TBC1D12: variants seen among roughly 807,000 people sequenced by gnomAD.
The protein encoded by TBC1D12 is TBC1 domain family member 12, also known as TBC1 domain family, member 12.
A neutral mutation model predicts 86.7 loss-of-function variants in TBC1D12; 56 were observed. The ratio of observed to expected loss-of-function variants is 0.65; its 90% CI spans 0.52 to 0.81. The LOEUF (loss-of-function observed/expected upper bound fraction) is 0.81, where lower values mean the gene tolerates loss of function less well. Among genes scored for constraint, TBC1D12 ranks in the 30% least tolerant of loss-of-function variants. TBC1D12 has a pLI of 0.00. For synonymous variants in TBC1D12, 421 were observed against 411.7 expected, an observed-to-expected ratio of 1.02 and a Z score of -0.27; for missense variants, 1,023 against 1,038.8, an observed-to-expected ratio of 0.98 and a Z score of 0.21.
At chr10:94,447,058 A>C (rs1329569671) in intron 2 of TBC1D12, among the ~76,000 whole-genome samples, 1 of 47,908 alleles carries the variant, frequency 2.1e-5, no homozygotes, top group Non-Finnish European at 4.4e-5. Context: ...GAGCTGTTTC[A>C]AAAAAAAAAA....
intron 4 of TBC1D12, among the ~76,000 whole-genome samples, chr10:94,496,841 G>T (rs2056327115): frequency 6.6e-6 from 1 of 152,144 alleles, no homozygotes; most frequent in East Asian, 1.9e-4. Context: ...TAAAAAAAGA[G>T]AAAACAAAGA....
intron 9 of TBC1D12, 142 bp downstream of exon 9, chr10:94,511,796 A>G (rs2056531708): frequency 3.1e-6 from 2 of 652,518 alleles, no homozygotes; most frequent in Non-Finnish European, 5.2e-6. Context: ...CCCAGTGAAG[A>G]ATCTTTCTAT....
intron 1 of TBC1D12, among the ~76,000 whole-genome samples, chr10:94,413,481 A>C (rs528247902): frequency 2.6e-5 from 4 of 152,296 alleles, no homozygotes; most frequent in Admixed American, 2.6e-4. Context: ...CTTTAAGAAG[A>C]AATCCTGCAC....
intron 3 of TBC1D12, among the ~76,000 whole-genome samples, chr10:94,487,021 A>G (rs920417541): frequency 6.6e-6 from 1 of 152,132 alleles, no homozygotes; most frequent in Admixed American, 6.6e-5. Flanking sequence ...CAATTGTTAT[A>G]TCCTCTTGCT....
chr10:94,478,805 G>A (rs1221556946), intron 3 of TBC1D12, among the ~76,000 whole-genome samples: 1 of 151,944 alleles, frequency 6.6e-6, no homozygotes, highest in Non-Finnish European at 1.5e-5. Context: ...CTTGCAAATC[G>A]ATTCTGTCCA....
In TBC1D12 at chr10:94,522,073, A is replaced by C. The variant is rs1486846323; in HGVS notation, c.1880A>C (p.Asp627Ala). The C allele has an allele frequency of 6.2e-7, 1 of 1,612,422 alleles. No homozygotes were observed. Among genetic ancestry groups the C allele is most frequent in the Non-Finnish European group, 8.5e-7 (1 of 1,178,926 alleles). Residue 627 changes from aspartate (D) to alanine (A), a missense_variant, in exon 10 of 13, where the codon GAT (aspartate) becomes GCT (alanine). This residue lies in a region of TBC1D12 where 395 missense variants were observed against 507.7 expected (regional missense o/e 0.78). Transcript: ENST00000225235. ...TGCCAGTTGGCCTTTTTTCGTGTGG[A>C]TCACAGCATGGTATGAATGGATCAT... is the stretch of plus-strand genomic sequence containing the variant. ...KPCQLAFFRV[D>A]HSMMLKYFAT...
chr10:94,498,171 T>C (rs780503636), intron 5 of TBC1D12, among the ~76,000 whole-genome samples: 2 of 152,194 alleles, frequency 1.3e-5, no homozygotes, highest in African/African-American at 4.8e-5. Flanking sequence ...AGACGCACTA[T>C]TGATGTAATA....
chr10:94,416,758 T>C (rs1352639673), intron 1 of TBC1D12, among the ~76,000 whole-genome samples: 1 of 152,124 alleles, frequency 6.6e-6, no homozygotes, highest in East Asian at 1.9e-4. Context: ...TGATTAACTT[T>C]GAGACAGGAA....
At chr10:94,470,756 T>C (rs796376621) in intron 2 of TBC1D12, among the ~76,000 whole-genome samples, 5 of 151,392 alleles carry the variant, frequency 3.3e-5, no homozygotes, top group African/African-American at 1.2e-4. Context: ...TTTGTAATTC[T>C]GATTGCATTA....
intron 2 of TBC1D12, among the ~76,000 whole-genome samples, chr10:94,464,170 T>C (rs1338055406): frequency 1.3e-5 from 2 of 152,232 alleles, no homozygotes; most frequent in East Asian, 1.9e-4. Flanking sequence ...AAATAGCATA[T>C]AGTTGGGTCT....
At chr10:94,425,587 C>A (rs773772530) in intron 1 of TBC1D12, among the ~76,000 whole-genome samples, 2 of 151,276 alleles carry the variant, frequency 1.3e-5, no homozygotes, top group Non-Finnish European at 2.9e-5. Flanking sequence ...ATAGAACTCA[C>A]GTTTTTTTTT....
chr10:94,443,894 G>A (rs1489677307), intron 2 of TBC1D12, among the ~76,000 whole-genome samples: 1 of 152,210 alleles, frequency 6.6e-6, no homozygotes, highest in Non-Finnish European at 1.5e-5. Context: ...ATGAGGCCGA[G>A]TATAGTGGCT....
Position 94,402,820 on chromosome 10 carries a change from C to T in TBC1D12, c.207C>T (p.Leu69=). The T allele has an allele frequency of 6.5e-7, 1 of 1,541,696 alleles. No individual in the cohort carries two copies. Among genetic ancestry groups the T allele is most frequent in the Non-Finnish European group, 8.7e-7 (1 of 1,143,626 alleles). Residue 69 remains leucine (L), a synonymous_variant, in exon 1 of 13, where the codon CTC becomes CTT. Transcript: ENST00000225235. ...DEEEETPPRQ[L]LQRYLAAAGE... is the part of the protein sequence containing the mutation. ...AGGAGGAGACGCCGCCTCGGCAGCT[C>T]CTTCAGCGTTACCTCGCGGCGGCCG...
At chr10:94,429,601 G>C (rs964158322) in intron 1 of TBC1D12, among the ~76,000 whole-genome samples, 2 of 152,044 alleles carry the variant, frequency 1.3e-5, no homozygotes, top group African/African-American at 2.4e-5. Flanking sequence ...ACTAGATAAT[G>C]TTTTCTTTAT....
At chr10:94,463,266 T>A (rs2055756746) in intron 2 of TBC1D12, among the ~76,000 whole-genome samples, 1 of 152,316 alleles carries the variant, frequency 6.6e-6, no homozygotes, top group Middle Eastern at 3.4e-3. Context: ...TATTGGAAAC[T>A]GAGTGATTTA....
chr10:94,505,208 C>T (rs1032097520), intron 6 of TBC1D12, among the ~76,000 whole-genome samples: 7 of 151,966 alleles, frequency 4.6e-5, no homozygotes, highest in Non-Finnish European at 8.8e-5. Flanking sequence ...ACCTAATAAC[C>T]CCCAAATAAT....
At chr10:94,440,131 G>C (rs540544068) in intron 1 of TBC1D12, among the ~76,000 whole-genome samples, 51 of 152,040 alleles carry the variant, frequency 3.4e-4, no homozygotes, top group African/African-American at 9.9e-4. Flanking sequence ...GTTTATTTCT[G>C]TTATACACCT....
chr10:94,463,540 T>A (rs545113125), intron 2 of TBC1D12, among the ~76,000 whole-genome samples: 1 of 152,314 alleles, frequency 6.6e-6, no homozygotes, highest in African/African-American at 2.4e-5. Flanking sequence ...CTGACCAAAT[T>A]ACCTCTTAAA....
chr10:94,411,408 T>C (rs2054925584), intron 1 of TBC1D12, among the ~76,000 whole-genome samples: 1 of 152,198 alleles, frequency 6.6e-6, no homozygotes, highest in Non-Finnish European at 1.5e-5. Flanking sequence ...CAGTTGTTTG[T>C]AGCTTTTGGT....
Sources: gnomAD v4.1 joint callset for allele counts (sites outside exome capture counted in the v4.1 genomes callset) on GRCh38, gnomAD v4.1.1 for gene constraint, gnomAD v4.1.1 regional missense constraint, MANE v1.5 for transcripts, NCBI Gene and HGNC (gene_info 2026-07-23, HGNC 2026-07-21) for gene names.